The following CDH13 variants were observed in gnomAD, a reference collection of about 807,000 sequenced individuals.
The protein encoded by CDH13 is cadherin 13.
Under a neutral mutation model 63.8 loss-of-function variants are expected in CDH13, and 24 were observed. The observed-to-expected ratio is 0.38, with a 90% CI of 0.27 to 0.53. CDH13 has a LOEUF of 0.53. CDH13 is among the 20% of genes least tolerant of loss of function. The pLI is 0.85. For missense variants in CDH13, 1,049 were observed against 903.1 expected (o/e 1.16, Z -2.07); for synonymous variants, 503 against 355.3 (o/e 1.42, Z -4.67).
chr16:83,071,385 C>T (rs1395842647), intron 3 of CDH13, among the ~76,000 whole-genome samples: 1 of 152,174 alleles, frequency 6.6e-6, no homozygotes, highest in Non-Finnish European at 1.5e-5. Context: ...CCCAGAGATG[C>T]TCCCCTTCCT....
intron 2 of CDH13, among the ~76,000 whole-genome samples, chr16:83,004,791 C>T (rs183970257): frequency 3.9e-5 from 6 of 152,214 alleles, no homozygotes; most frequent in Non-Finnish European, 8.8e-5. Flanking sequence ...CTGTGCCACC[C>T]AGCCAAGGAC....
intron 1 of CDH13, among the ~76,000 whole-genome samples, chr16:82,633,222 A>G (rs4783245): frequency 0.98 from 149,090 of 152,260 alleles, 73,062 homozygotes; most frequent in East Asian, 1. Context: ...GTGACAGCTG[A>G]GCATCATCAT....
intron 2 of CDH13, among the ~76,000 whole-genome samples, chr16:82,939,497 G>A (rs1386725784): frequency 6.6e-6 from 1 of 151,978 alleles, no homozygotes; most frequent in East Asian, 1.9e-4. Flanking sequence ...GAGGGAAGGA[G>A]GGAGGCCTGT....
chr16:83,269,920 C>T (rs1407565950), intron 5 of CDH13, among the ~76,000 whole-genome samples: 1 of 152,186 alleles, frequency 6.6e-6, no homozygotes, highest in Non-Finnish European at 1.5e-5. Context: ...CTAAGTTAAA[C>T]AGAATTGATT....
chr16:82,697,416 CTTTTTTCTTT>C (rs1416814158), intron 1 of CDH13, among the ~76,000 whole-genome samples: 105 of 106,322 alleles, frequency 9.9e-4, no homozygotes, highest in Non-Finnish European at 1.7e-3. Flanking sequence ...CAAGGCATTT[CTTTTTTCTTT>C]TTTTTTTTTT....
chr16:83,312,276 A>G (rs922509858), intron 5 of CDH13, among the ~76,000 whole-genome samples: 3 of 152,058 alleles, frequency 2.0e-5, no homozygotes, highest in Non-Finnish European at 4.4e-5. Context: ...CTCTTATGTG[A>G]GCTGCTCAGA....
intron 1 of CDH13, among the ~76,000 whole-genome samples, chr16:82,628,837 C>T (rs1480818676): frequency 6.6e-6 from 1 of 152,238 alleles, no homozygotes; most frequent in East Asian, 1.9e-4. Flanking sequence ...TCCTTCCTGC[C>T]ATCTGCTAGT....
chr16:83,425,390 CT>C (rs1271869996), intron 6 of CDH13, among the ~76,000 whole-genome samples: 5 of 152,220 alleles, frequency 3.3e-5, no homozygotes, highest in Non-Finnish European at 1.5e-5. Context: ...AATTATTGTT[CT>C]TACCCTTGAA....
intron 3 of CDH13, among the ~76,000 whole-genome samples, chr16:83,063,939 G>T (rs2031792421): frequency 6.6e-6 from 1 of 152,270 alleles, no homozygotes; most frequent in East Asian, 1.9e-4. Context: ...GCAAGTGGAA[G>T]GGACAGAATC....
intron 1 of CDH13, among the ~76,000 whole-genome samples, chr16:82,745,753 T>C (rs571016583): frequency 1.3e-5 from 2 of 152,338 alleles, no homozygotes; most frequent in East Asian, 3.9e-4. Context: ...TACACATCAT[T>C]GAATTAATAA....
At chr16:83,717,898 T>C (rs1457219478) in intron 10 of CDH13, 1 of 152,246 alleles carries the variant, frequency 6.6e-6, no homozygotes, top group African/African-American at 2.4e-5. Context: ...TCTCCTGTTG[T>C]TGAGAGGCTC....
chr16:82,756,745 G>A (rs2034625979), intron 1 of CDH13, among the ~76,000 whole-genome samples: 2 of 152,178 alleles, frequency 1.3e-5, no homozygotes, highest in Non-Finnish European at 2.9e-5. Flanking sequence ...CTGAATATAA[G>A]CAGTACCTGA....
intron 3 of CDH13, among the ~76,000 whole-genome samples, chr16:83,058,608 C>A (rs892146360): frequency 6.6e-6 from 1 of 152,158 alleles, no homozygotes; most frequent in African/African-American, 2.4e-5. Context: ...GCTCCCCTGA[C>A]CACACAGGAA....
chr16:82,828,870 A>G (rs1354515146), intron 1 of CDH13, among the ~76,000 whole-genome samples: 3 of 152,172 alleles, frequency 2.0e-5, no homozygotes, highest in Admixed American at 6.6e-5. Context: ...CATTTTACAT[A>G]GGGTATTTTG....
intron 3 of CDH13, among the ~76,000 whole-genome samples, chr16:83,076,874 C>G (rs1174127330): frequency 6.6e-6 from 1 of 152,030 alleles, no homozygotes; most frequent in Non-Finnish European, 1.5e-5. Context: ...TACTTTGGTG[C>G]AAAAGTAATT....
intron 2 of CDH13, among the ~76,000 whole-genome samples, chr16:82,882,790 T>C (rs1030069163): frequency 2.0e-5 from 3 of 152,202 alleles, no homozygotes; most frequent in Non-Finnish European, 4.4e-5. Context: ...GTAAGATTTT[T>C]ACCAAGCCAT....
intron 2 of CDH13, among the ~76,000 whole-genome samples, chr16:82,871,635 T>G (rs1206157599): frequency 2.7e-5 from 4 of 147,776 alleles, no homozygotes; most frequent in African/African-American, 4.8e-5. Flanking sequence ...TTGGGCTGTT[T>G]TGACTGTAAT....
At chr16:83,723,026 T>C (rs754116563) in intron 10 of CDH13, among the ~76,000 whole-genome samples, 13 of 152,164 alleles carry the variant, frequency 8.5e-5, no homozygotes, top group Non-Finnish European at 1.5e-4. Context: ...GGTGACATGC[T>C]TAATAAAGGG....
chr16:83,243,079 A>G (rs887012989), intron 5 of CDH13, among the ~76,000 whole-genome samples: 1 of 152,190 alleles, frequency 6.6e-6, no homozygotes, highest in Non-Finnish European at 1.5e-5. Context: ...TGGTACAGCC[A>G]GGACTGGAAC....
Sources: gnomAD v4.1 joint callset for allele counts (sites outside exome capture counted in the v4.1 genomes callset) on GRCh38, gnomAD v4.1.1 for gene constraint, MANE v1.5 for transcripts, NCBI Gene and HGNC (gene_info 2026-07-23, HGNC 2026-07-21) for gene names.